PCDH9: variants seen among roughly 807,000 people sequenced by gnomAD.
PCDH9 encodes the protein protocadherin-9.
In PCDH9, 24 loss-of-function variants were observed where a neutral mutation model predicts 70.6. The observed-to-expected ratio is 0.34, with a 90% CI of 0.25 to 0.48. The LOEUF (loss-of-function observed/expected upper bound fraction) is 0.48. PCDH9 is among the 20% of genes least tolerant of loss of function. The pLI is 0.99. For missense variants in PCDH9, 1,281 were observed against 1,503.6 expected (o/e 0.85, Z 2.45); for synonymous variants, 562 against 558.5 (o/e 1.01, Z -0.09).
At chr13:67,129,226 A>G in intron 2 of PCDH9, among the ~76,000 whole-genome samples, 1 of 152,178 alleles carries the variant, frequency 6.6e-6, no homozygotes, top group Non-Finnish European at 1.5e-5. Flanking sequence ...AAGGAGAGAG[A>G]AAGAAGGGAA....
chr13:67,109,843 T>A (rs377583136), intron 2 of PCDH9, among the ~76,000 whole-genome samples: 1 of 152,190 alleles, frequency 6.6e-6, no homozygotes, highest in African/African-American at 2.4e-5. Flanking sequence ...CTTTAATTTA[T>A]GAGATGAAAA....
intron 4 of PCDH9, among the ~76,000 whole-genome samples, chr13:66,356,683 A>T (rs9599106): frequency 0.026 from 3,954 of 152,252 alleles, 80 homozygotes; most frequent in Non-Finnish European, 0.042. Context: ...ACTGCATCAG[A>T]TTCAGAGTAA....
At chr13:66,512,212 A>T (rs960743939) in intron 4 of PCDH9, among the ~76,000 whole-genome samples, 2 of 151,352 alleles carry the variant, frequency 1.3e-5, no homozygotes, top group Admixed American at 6.6e-5. Context: ...TTTCCTAAAG[A>T]GCCTGTAGAG....
intron 2 of PCDH9, among the ~76,000 whole-genome samples, chr13:67,139,647 G>T (rs570174231): frequency 4.6e-5 from 7 of 152,200 alleles, no homozygotes; most frequent in African/African-American, 1.7e-4. Flanking sequence ...CTGATAATCA[G>T]CAGTTTTGCT....
chr13:66,795,965 A>G (rs754840273), intron 3 of PCDH9, among the ~76,000 whole-genome samples: 5 of 152,156 alleles, frequency 3.3e-5, no homozygotes, highest in Non-Finnish European at 7.3e-5. Context: ...CTGCCCAGTA[A>G]TGTTCTAGGA....
chr13:66,820,496 G>A (rs1216025954), intron 3 of PCDH9, among the ~76,000 whole-genome samples: 2 of 152,096 alleles, frequency 1.3e-5, no homozygotes, highest in African/African-American at 2.4e-5. Flanking sequence ...TCCTATTACT[G>A]GGTATATATC....
intron 4 of PCDH9, among the ~76,000 whole-genome samples, chr13:66,622,312 A>G (rs978924749): frequency 2.6e-5 from 4 of 152,104 alleles, no homozygotes; most frequent in African/African-American, 9.7e-5. Flanking sequence ...CCCATCGACC[A>G]CCCAAGGGCT....
chr13:67,137,428 T>G (rs985191926), intron 2 of PCDH9, among the ~76,000 whole-genome samples: 4 of 152,232 alleles, frequency 2.6e-5, no homozygotes, highest in Non-Finnish European at 5.9e-5. Context: ...ATTTCGTAGG[T>G]AAAAACTTTG....
At chr13:66,973,379 A>G (rs1170602449) in intron 2 of PCDH9, among the ~76,000 whole-genome samples, 2 of 152,090 alleles carry the variant, frequency 1.3e-5, no homozygotes, top group African/African-American at 4.8e-5. Context: ...CAAACTGTTA[A>G]AATCAAGATG....
intron 2 of PCDH9, among the ~76,000 whole-genome samples, chr13:67,042,444 C>T (rs1294069870): frequency 6.6e-6 from 1 of 151,562 alleles, no homozygotes; most frequent in African/African-American, 2.4e-5. Context: ...TCAGATCATG[C>T]CAAAGGAGAA....
chr13:66,628,145 T>C (rs1428302022), intron 4 of PCDH9, among the ~76,000 whole-genome samples: 10 of 152,186 alleles, frequency 6.6e-5, no homozygotes, highest in Admixed American at 6.5e-4. Context: ...AAAACAAAAC[T>C]TGTCTGTCCA....
chr13:66,829,292 C>A (rs752941849), intron 3 of PCDH9, among the ~76,000 whole-genome samples: 1 of 152,182 alleles, frequency 6.6e-6, no homozygotes, highest in Non-Finnish European at 1.5e-5. Flanking sequence ...GTTGAGATTA[C>A]AGGCGTGAGC....
intron 2 of PCDH9, among the ~76,000 whole-genome samples, chr13:67,060,736 AG>A (rs1190472650): frequency 6.6e-6 from 1 of 152,046 alleles, no homozygotes; most frequent in East Asian, 1.9e-4. Context: ...TTTAGACCCA[AG>A]TAGGGCATCA....
chr13:66,546,074 A>C lies in PCDH9; in HGVS notation c.3340+85136T>G, dbSNP rs9571593. Among the ~76,000 whole-genome samples, 29 of 151,708 alleles carry C rather than the reference A, an allele frequency of 1.9e-4. No homozygotes were observed. In the East Asian group the frequency reaches 5.4e-3, roughly 29 times the overall value. ...AGGATGGTCTCGATCTCCTGACCTC[A>C]TGATCCATCCATCTCGGCCTCCCAA... On this transcript the variant is annotated intron_variant, in intron 4 of 4. Transcript: ENST00000377865.
intron 4 of PCDH9, among the ~76,000 whole-genome samples, chr13:66,317,128 C>T (rs1009771384): frequency 6.6e-6 from 1 of 152,142 alleles, no homozygotes; most frequent in African/African-American, 2.4e-5. Flanking sequence ...TGAAATCACA[C>T]ACTTTGCTTT....
In PCDH9 at chr13:66,620,349, A is replaced by G. The variant is rs530582948; in HGVS notation, c.3340+10861T>C. Among the ~76,000 whole-genome samples, 6 of 152,310 alleles carry G rather than the reference A, an allele frequency of 3.9e-5. No individual in the cohort carries two copies. In the East Asian group the frequency reaches 1.2e-3, roughly 29 times the overall value. On this transcript the variant is annotated intron_variant, in intron 4 of 4. Coordinates refer to ENST00000377865, the MANE Select transcript of PCDH9 (RefSeq NM_203487.3). ...AGTAGGCTCATTTTGGTGGTTAAGT[A>G]TCTGAGACTTAAAGACCATGTTGAC...
intron 2 of PCDH9, among the ~76,000 whole-genome samples, chr13:67,069,830 GCTT>G (rs1360581285): frequency 6.6e-6 from 1 of 152,056 alleles, no homozygotes; most frequent in Non-Finnish European, 1.5e-5. Context: ...TAATTGCTCT[GCTT>G]CTCATAAAAA....
intron 2 of PCDH9, among the ~76,000 whole-genome samples, chr13:67,163,955 G>A (rs192315535): frequency 2.6e-4 from 40 of 152,146 alleles, no homozygotes; most frequent in Admixed American, 2.0e-3. Flanking sequence ...GTTTATGAAG[G>A]GAATACATGG....
intron 3 of PCDH9, among the ~76,000 whole-genome samples, chr13:66,643,928 C>T (rs1208260426): frequency 6.6e-6 from 1 of 151,838 alleles, no homozygotes; most frequent in East Asian, 1.9e-4. Context: ...ACAAAATTTC[C>T]CACACCTGGA....
Sources: gnomAD v4.1 joint callset for allele counts (sites outside exome capture counted in the v4.1 genomes callset) on GRCh38, gnomAD v4.1.1 for gene constraint, MANE v1.5 for transcripts, NCBI Gene and HGNC (gene_info 2026-07-23, HGNC 2026-07-21) for gene names.